Variants in ATP10A observed in about 807,000 individuals in gnomAD.
ATP10A encodes the protein ATPase phospholipid transporting 10A (putative), also known as phospholipid-transporting ATPase VA.
ATP10A carries 111 observed loss-of-function variants against 147.8 expected under a neutral mutation model. The observed-to-expected ratio is 0.75, with a 90% CI of 0.64 to 0.88. ATP10A has a LOEUF of 0.88. Among genes scored for constraint, ATP10A ranks in the 40% least tolerant of loss-of-function variants. ATP10A has a pLI of 0.00. For synonymous variants in ATP10A, 875 were observed against 841.6 expected (o/e 1.04, Z -0.69); for missense variants, 1,927 against 1,959.0 (o/e 0.98, Z 0.31).
At chr15:25,859,113 G>A (rs1013864918) in intron 1 of ATP10A, among the ~76,000 whole-genome samples, 21 of 152,110 alleles carry the variant, frequency 1.4e-4, no homozygotes, top group African/African-American at 4.8e-4. Context: ...GGAGATCTCT[G>A]CTTCCTGCCT....
intron 1 of ATP10A, among the ~76,000 whole-genome samples, chr15:25,798,820 G>A (rs1330491433): frequency 2.6e-5 from 4 of 152,154 alleles, no homozygotes; most frequent in Admixed American, 2.0e-4. Flanking sequence ...AGCTGTGCCC[G>A]TGTCCCTTCA....
At chr15:25,705,077 C>T (rs928999679) in intron 12 of ATP10A, among the ~76,000 whole-genome samples, 1 of 152,166 alleles carries the variant, frequency 6.6e-6, no homozygotes, top group Non-Finnish European at 1.5e-5. Context: ...AAGAAAATTT[C>T]AAGAGCATGG....
At chr15:25,700,361 G>C (rs937035043) in intron 13 of ATP10A, among the ~76,000 whole-genome samples, 2 of 152,196 alleles carry the variant, frequency 1.3e-5, no homozygotes, top group Non-Finnish European at 2.9e-5. Context: ...ATGAAAACAT[G>C]TTCACACAAA....
chr15:25,806,327 C>CTTTCCTTTTTT, intron 1 of ATP10A, among the ~76,000 whole-genome samples: 1 of 151,562 alleles, frequency 6.6e-6, no homozygotes, highest in African/African-American at 2.4e-5. Context: ...CTTTTCTTTT[C>CTTTCCTTTTTT]TTTGAGATGG....
Position 25,718,382 on chromosome 15 carries a change from A to G in ATP10A, c.1381T>C (p.Tyr461His). 1.9e-6 allele frequency: 3 copies of G among 1,602,908 alleles called. No homozygotes were observed. Among genetic ancestry groups the G allele is most frequent in the Middle Eastern group, 1.9e-4 (1 of 5,358 alleles). Residue 461 changes from tyrosine to histidine, a missense_variant, in exon 8 of 21, where the codon TAC becomes CAC. Tyr to His is a moderately conservative substitution (Grantham distance 83). Transcript: ENST00000555815. ...TCCTCCTCCGAGTCTGCCTCTTGGTACCTGGCCAGACGCTGCGCTGCGGGG... is the reference window on the plus strand; with the variant it reads ...TCCTCCTCCGAGTCTGCCTCTTGGTGCCTGGCCAGACGCTGCGCTGCGGGG... ...HDANAQRLAR[Y>H]QEADSEEEEV... is the part of the protein sequence containing the mutation.
At chr15:25,817,902 A>G (rs1308178942) in intron 1 of ATP10A, among the ~76,000 whole-genome samples, 2 of 152,220 alleles carry the variant, frequency 1.3e-5, no homozygotes, top group East Asian at 3.8e-4. Context: ...TGCAATGTAC[A>G]TTCCTTTAAA....
intron 1 of ATP10A, among the ~76,000 whole-genome samples, chr15:25,795,463 A>G (rs1400642328): frequency 6.6e-6 from 1 of 152,176 alleles, no homozygotes; most frequent in Non-Finnish European, 1.5e-5. Flanking sequence ...TACCTTTCCT[A>G]TTGTAAATAG....
intron 1 of ATP10A, among the ~76,000 whole-genome samples, chr15:25,812,935 G>A (rs1041099447): frequency 2.0e-5 from 3 of 152,212 alleles, no homozygotes; most frequent in African/African-American, 7.2e-5. Flanking sequence ...CAGGAATGAA[G>A]GACAATTATC....
At chr15:25,786,549 G>A (rs1349361711) in intron 1 of ATP10A, among the ~76,000 whole-genome samples, 1 of 150,588 alleles carries the variant, frequency 6.6e-6, no homozygotes. Context: ...CTTGGGACAG[G>A]TCTTTAGGCC....
intron 12 of ATP10A, among the ~76,000 whole-genome samples, chr15:25,702,836 T>C (rs2077336): frequency 0.51 from 77,340 of 151,128 alleles, 19,973 homozygotes; most frequent in Admixed American, 0.59. Context: ...GCTGCAGCCC[T>C]GGTCCCTAGG....
chr15:25,751,575 G>T (rs1324073723), intron 2 of ATP10A, among the ~76,000 whole-genome samples: 1 of 152,054 alleles, frequency 6.6e-6, no homozygotes, highest in Admixed American at 6.6e-5. Context: ...TTTCCCATTT[G>T]TCTGGGTAAT....
At chr15:25,723,870 T>TAA (rs773971064) in intron 6 of ATP10A, 21 bp downstream of exon 6, 1 of 1,550,800 alleles carries the variant, frequency 6.4e-7, no homozygotes, top group South Asian at 1.2e-5. Flanking sequence ...GCAATTATTG[T>TAA]ACGATACTTA....
intron 12 of ATP10A, 40 bp downstream of exon 12, chr15:25,707,936 T>C (rs1163764138): frequency 1.2e-6 from 2 of 1,603,372 alleles, no homozygotes; most frequent in South Asian, 2.2e-5. Flanking sequence ...CCCTGCAAAC[T>C]CCACACTGCC....
intron 13 of ATP10A, 110 bp from the exon 14 acceptor site, chr15:25,695,256 G>T: frequency 9.7e-7 from 1 of 1,032,774 alleles, no homozygotes; most frequent in Non-Finnish European, 1.4e-6. Flanking sequence ...CCAGGCTGCA[G>T]TACCCGCCTG....
Position 25,765,789 on chromosome 15 carries a change from C to T in ATP10A, c.654+15230G>A, listed in dbSNP as rs569600421. Among the ~76,000 whole-genome samples the T allele has an allele frequency of 1.2e-4, 18 of 152,326 alleles. No individual in the cohort carries two copies. In the South Asian group the frequency reaches 2.9e-3, roughly 25 times the overall value. On this transcript the variant is annotated intron_variant, in intron 2 of 20. Transcript: ENST00000555815. ...GCAAACCCTTTTCTCTATAACTTCA[C>T]TCCTGGTGCCGGTCTCACCTTTCCT... is the stretch of plus-strand genomic sequence containing the variant.
At chr15:25,859,934 G>T (rs1893681106) in intron 1 of ATP10A, among the ~76,000 whole-genome samples, 1 of 152,144 alleles carries the variant, frequency 6.6e-6, no homozygotes, top group African/African-American at 2.4e-5. Context: ...ACAATGTGTT[G>T]CACGCTTGGA....
At chr15:25,683,215 G>T (rs1899519875) in intron 17 of ATP10A, 71 bp downstream of exon 17, 2 of 1,437,788 alleles carry the variant, frequency 1.4e-6, no homozygotes, top group East Asian at 2.3e-5. Flanking sequence ...CTGGGGGACT[G>T]GCACTTTGGA....
downstream of ATP10A, among the ~76,000 whole-genome samples, chr15:25,672,342 T>C (rs542091871): frequency 2.0e-5 from 3 of 152,264 alleles, no homozygotes; most frequent in Non-Finnish European, 4.4e-5. Context: ...GACGGAATAA[T>C]ATCCCCTTCT....
chr15:25,766,370 A>AC (rs1889023861), intron 2 of ATP10A, among the ~76,000 whole-genome samples: 1 of 151,990 alleles, frequency 6.6e-6, no homozygotes, highest in Non-Finnish European at 1.5e-5. Context: ...TAGGAGGCAG[A>AC]CCCCAAAGCT....
Sources: gnomAD v4.1 joint callset for allele counts (sites outside exome capture counted in the v4.1 genomes callset) on GRCh38, gnomAD v4.1.1 for gene constraint, MANE v1.5 for transcripts, NCBI Gene and HGNC (gene_info 2026-07-23, HGNC 2026-07-21) for gene names.